Variants in CDH18 observed in about 807,000 individuals in gnomAD.
CDH18 encodes cadherin 18, also known as cadherin-18.
In CDH18, 31 loss-of-function variants were observed where a neutral mutation model predicts 67.9. That is an observed-to-expected ratio of 0.46 (90% CI 0.34 to 0.62). The LOEUF (loss-of-function observed/expected upper bound fraction) is 0.62. CDH18 is among the 20% of genes least tolerant of loss of function. The pLI, the probability that CDH18 is intolerant of heterozygous loss-of-function variation, is 0.01. For missense variants in CDH18, 890 were observed against 975.5 expected (o/e 0.91, Z 1.17); for synonymous variants, 362 against 347.2 (o/e 1.04, Z -0.48).
chr5:19,819,627 C>T lies in CDH18; in HGVS notation c.228+19132G>A, dbSNP rs115932364. Among the ~76,000 whole-genome samples the T allele has an allele frequency of 9.0e-3, 1,375 of 152,198 alleles. 10 individuals carry two copies. The highest frequency in any genetic ancestry group is 0.021 in the African/African-American group (872 of 41,530). On this transcript the variant is annotated intron_variant, in intron 3 of 12. Coordinates refer to ENST00000382275, the MANE Select transcript of CDH18 (RefSeq NM_004934.5). ...CCCAGCTACAAGAGATCCCATGAACCCCACAGATATTTGAATTGGCAAGGG... is the reference window on the plus strand; with the variant it reads ...CCCAGCTACAAGAGATCCCATGAACTCCACAGATATTTGAATTGGCAAGGG...
At chr5:20,526,170 G>A (rs1405037689) in intron 1 of CDH18, among the ~76,000 whole-genome samples, 3 of 152,072 alleles carry the variant, frequency 2.0e-5, no homozygotes, top group Admixed American at 2.0e-4. Flanking sequence ...TCTTTGTTTA[G>A]GTGAAACCTG....
chr5:20,010,646 CCATA>C (rs1737354471), intron 2 of CDH18, among the ~76,000 whole-genome samples: 1 of 152,126 alleles, frequency 6.6e-6, no homozygotes, highest in Non-Finnish European at 1.5e-5. Context: ...GTAACATTAA[CCATA>C]CTTTTCTTAA....
chr5:20,439,535 C>T (rs1749445609), intron 1 of CDH18, among the ~76,000 whole-genome samples: 1 of 151,516 alleles, frequency 6.6e-6, no homozygotes, highest in African/African-American at 2.4e-5. Context: ...CTTATGTTTT[C>T]TAGTTTATTA....
chr5:19,989,462 C>T (rs182625631), upstream of CDH18, among the ~76,000 whole-genome samples: 1 of 152,104 alleles, frequency 6.6e-6, no homozygotes. Flanking sequence ...CCTGTGTAAG[C>T]TTTTACCCTT....
intron 1 of CDH18, among the ~76,000 whole-genome samples, chr5:20,404,003 C>T (rs1475749899): frequency 2.0e-5 from 3 of 152,224 alleles, no homozygotes; most frequent in Non-Finnish European, 4.4e-5. Context: ...GCAGCTTCTA[C>T]ATCAGCACTT....
chr5:19,880,323 T>C (rs1787499597), intron 2 of CDH18, among the ~76,000 whole-genome samples: 1 of 151,984 alleles, frequency 6.6e-6, no homozygotes, highest in African/African-American at 2.4e-5. Flanking sequence ...AAATTCAGCT[T>C]CCAAACAACA....
intron 1 of CDH18, among the ~76,000 whole-genome samples, chr5:20,493,675 T>G (rs1753728633): frequency 2.0e-5 from 3 of 152,068 alleles, no homozygotes. Flanking sequence ...GGGAGCATGT[T>G]TTTTCCTCTT....
chr5:19,662,774 A>C (rs775859048), intron 5 of CDH18, among the ~76,000 whole-genome samples: 3 of 152,026 alleles, frequency 2.0e-5, no homozygotes, highest in Non-Finnish European at 2.9e-5. Flanking sequence ...AGACTAAAAC[A>C]ATGTATGACT....
intron 1 of CDH18, among the ~76,000 whole-genome samples, chr5:20,326,840 C>A (rs1738645539): frequency 6.6e-6 from 1 of 152,130 alleles, no homozygotes; most frequent in African/African-American, 2.4e-5. Context: ...CGGGCCTGGC[C>A]ACATATTTAC....
At chr5:20,461,184 T>C (rs1751240105) in intron 1 of CDH18, among the ~76,000 whole-genome samples, 2 of 152,166 alleles carry the variant, frequency 1.3e-5, no homozygotes, top group Admixed American at 6.5e-5. Context: ...GAGTATTTGT[T>C]TCCTCAGAGC....
intron 5 of CDH18, among the ~76,000 whole-genome samples, chr5:19,700,817 T>C (rs1365586691): frequency 6.6e-6 from 1 of 152,168 alleles, no homozygotes; most frequent in African/African-American, 2.4e-5. Context: ...GTTTCCATCA[T>C]AGTTTCTTTA....
In CDH18 at chr5:19,799,433, TCAACA is replaced by T. The variant is rs1777200876; in HGVS notation, c.228+39321_228+39325del. Among the ~76,000 whole-genome samples the T allele has an allele frequency of 3.1e-5, 3 of 97,658 alleles. No individual in the cohort carries two copies. The South Asian group carries it at 1.2e-3, about 38-fold the overall frequency. 64.1% of individuals were successfully genotyped at this position (97,658 alleles called of 152,430 possible). On this transcript the variant is annotated intron_variant, in intron 3 of 12. Transcript: ENST00000382275. ...AGGAATGTTCCCATGTTAAATATTC[TCAACA>T]CACACACACACACACACACACACAC...
chr5:19,744,756 C>T lies in CDH18; in HGVS notation c.523+2186G>A, dbSNP rs1211387477. ...TTTTCTCTGTAGGCCGTAAATGGGA[C>T]TCAACTTTCTAACAGATTCCTCTAT... On this transcript the variant is annotated intron_variant, in intron 4 of 12. Transcript: ENST00000382275. Among the ~76,000 whole-genome samples the T allele has an allele frequency of 5.9e-5, 9 of 152,274 alleles. No individual in the cohort carries two copies. The South Asian group carries it at 6.2e-4, about 11-fold the overall frequency.
intron 5 of CDH18, among the ~76,000 whole-genome samples, chr5:19,671,899 C>G (rs1758800458): frequency 6.6e-6 from 1 of 152,086 alleles, no homozygotes; most frequent in African/African-American, 2.4e-5. Flanking sequence ...TCCTTTGTAT[C>G]ACAAGATAGT....
At chr5:19,993,830 G>A (rs1451454046) in intron 2 of CDH18, among the ~76,000 whole-genome samples, 10 of 151,990 alleles carry the variant, frequency 6.6e-5, no homozygotes, top group African/African-American at 1.7e-4. Flanking sequence ...AATAGGTAAT[G>A]TTATGGCCAT....
intron 1 of CDH18, among the ~76,000 whole-genome samples, chr5:20,424,035 G>A (rs1380542749): frequency 6.8e-6 from 1 of 147,440 alleles, no homozygotes; most frequent in African/African-American, 2.6e-5. Flanking sequence ...GGAAGATGAA[G>A]TGAAGATCTT....
intron 2 of CDH18, among the ~76,000 whole-genome samples, chr5:19,958,076 G>A (rs1332502427): frequency 6.6e-6 from 1 of 151,670 alleles, no homozygotes; most frequent in African/African-American, 2.4e-5. Context: ...ATGAACTTAT[G>A]ATGGCTGGCC....
At chr5:19,564,068 T>A (rs911990573) in intron 8 of CDH18, among the ~76,000 whole-genome samples, 1 of 152,178 alleles carries the variant, frequency 6.6e-6, no homozygotes, top group African/African-American at 2.4e-5. Flanking sequence ...AACCCAGTGG[T>A]CAAAACCTGA....
At chr5:19,605,640 A>G (rs980115171) in intron 6 of CDH18, among the ~76,000 whole-genome samples, 1 of 152,108 alleles carries the variant, frequency 6.6e-6, no homozygotes, top group Non-Finnish European at 1.5e-5. Flanking sequence ...TGCATAGTAT[A>G]TAGAAAATGA....
Sources: gnomAD v4.1 joint callset for allele counts (sites outside exome capture counted in the v4.1 genomes callset) on GRCh38, gnomAD v4.1.1 for gene constraint, MANE v1.5 for transcripts, NCBI Gene and HGNC (gene_info 2026-07-23, HGNC 2026-07-21) for gene names.